The following IL1RAPL2 variants were observed in gnomAD, a reference collection of about 807,000 sequenced individuals.
The protein encoded by IL1RAPL2 is interleukin 1 receptor accessory protein like 2, also known as X-linked interleukin-1 receptor accessory protein-like 2.
In IL1RAPL2, 3 loss-of-function variants were observed where a neutral mutation model predicts 44.1. The observed-to-expected ratio is 0.07, with a 90% CI of 0.03 to 0.18. The LOEUF (loss-of-function observed/expected upper bound fraction) is 0.18. Among genes scored for constraint, IL1RAPL2 ranks in the 10% least tolerant of loss-of-function variants. IL1RAPL2 has a pLI of 1.00. For missense variants in IL1RAPL2, 391 were observed against 496.4 expected (o/e 0.79, Z 2.02); for synonymous variants, 181 against 178.8 (o/e 1.01, Z -0.10).
chrX:105,361,640 A>G (rs2035248416), intron 5 of IL1RAPL2, among the ~76,000 whole-genome samples: 2 of 111,231 alleles, frequency 1.8e-5, no homozygotes, highest in African/African-American at 6.5e-5. Context: ...AGAGTCCTGG[A>G]AACTGAGATA....
At chrX:104,577,812 G>T (rs752120729) in intron 1 of IL1RAPL2, among the ~76,000 whole-genome samples, 2 of 110,802 alleles carry the variant, frequency 1.8e-5, no homozygotes, top group Non-Finnish European at 3.8e-5. Flanking sequence ...TGGCAGTCTG[G>T]CAAGGCCGGA....
chrX:104,739,665 T>C, intron 2 of IL1RAPL2, among the ~76,000 whole-genome samples: 1 of 112,049 alleles, frequency 8.9e-6, no homozygotes. Context: ...GAAAGGCAAG[T>C]AAGAAAGAAT....
Position 105,755,234 on chromosome X carries a change from A to G in IL1RAPL2, c.1250A>G (p.Asp417Gly). The G allele has an allele frequency of 1.7e-6, 2 of 1,199,247 alleles. No homozygotes were observed. The highest frequency in any genetic ancestry group is 2.3e-6 in the Non-Finnish European group (2 of 884,287). The change falls in exon 10 of 11, where the codon GAC becomes GGC. Residue 417 changes from aspartate (D) to glycine (G), a missense_variant. Transcript: ENST00000372582. ...SYTKVDQDTL[D>G]CDNPEEEQFA... ...ACAAAAGTGGACCAAGATACTTTAGACTGTGACAATCCTGAAGAAGAGCAG... is the reference window on the plus strand; with the variant it reads ...ACAAAAGTGGACCAAGATACTTTAGGCTGTGACAATCCTGAAGAAGAGCAG...
At chrX:105,033,201 T>G (rs185179596) in intron 2 of IL1RAPL2, among the ~76,000 whole-genome samples, 85 of 111,946 alleles carry the variant, frequency 7.6e-4, no homozygotes, top group African/African-American at 2.7e-3. Flanking sequence ...TGTCTCTTAA[T>G]TGGAGCATTT....
At position 104,762,417 on chromosome X, in the gene IL1RAPL2, G is replaced by A. The variant is rs1428224475; in HGVS notation, c.82+103422G>A. Among the ~76,000 whole-genome samples the A allele has an allele frequency of 2.7e-5, 3 of 112,209 alleles. No individual in the cohort carries two copies. The Admixed American group carries it at 2.8e-4, about 11-fold the overall frequency. On this transcript the variant is annotated intron_variant, in intron 2 of 10. Coordinates refer to ENST00000372582, the MANE Select transcript of IL1RAPL2 (RefSeq NM_017416.2). ...CTTGGACAGCTCCTGTGGCTTTGCAGGGTACAGCCCCTCTCCTGGCTGCCT... is the reference window on the plus strand; with the variant it reads ...CTTGGACAGCTCCTGTGGCTTTGCAAGGTACAGCCCCTCTCCTGGCTGCCT...
At chrX:104,971,474 G>A (rs2030235261) in intron 2 of IL1RAPL2, among the ~76,000 whole-genome samples, 1 of 111,818 alleles carries the variant, frequency 8.9e-6, no homozygotes, top group Non-Finnish European at 1.9e-5. Flanking sequence ...ATGTAACCAG[G>A]TAGCTTGCTT....
chrX:104,914,407 A>G (rs1474218659), intron 2 of IL1RAPL2, among the ~76,000 whole-genome samples: 1 of 111,908 alleles, frequency 8.9e-6, no homozygotes, highest in Non-Finnish European at 1.9e-5. Flanking sequence ...AAAGTGTCTC[A>G]TAAAAGAGAA....
At chrX:105,373,049 G>A (rs2035356672) in intron 5 of IL1RAPL2, among the ~76,000 whole-genome samples, 1 of 112,686 alleles carries the variant, frequency 8.9e-6, no homozygotes, top group Non-Finnish European at 1.9e-5. Context: ...TGGGATTGCT[G>A]CGATGAATGG....
intron 7 of IL1RAPL2, among the ~76,000 whole-genome samples, chrX:105,726,617 T>C (rs1410749337): frequency 3.6e-5 from 4 of 110,620 alleles, no homozygotes; most frequent in Admixed American, 9.6e-5. Context: ...CCCTCCTCCT[T>C]TGAGTGACTA....
chrX:105,634,301 C>T (rs765093357), intron 6 of IL1RAPL2, among the ~76,000 whole-genome samples: 1 of 110,932 alleles, frequency 9.0e-6, no homozygotes, highest in Admixed American at 9.6e-5. Context: ...GACTAAGCCC[C>T]CTGCCCACTT....
At chrX:105,051,367 A>T (rs2031922189) in intron 2 of IL1RAPL2, among the ~76,000 whole-genome samples, 1 of 112,660 alleles carries the variant, frequency 8.9e-6, no homozygotes, top group Non-Finnish European at 1.9e-5. Flanking sequence ...CCGCAGCTGC[A>T]CCCAGGGAGC....
chrX:105,598,392 G>A (rs1167416845), intron 6 of IL1RAPL2, among the ~76,000 whole-genome samples: 1 of 110,342 alleles, frequency 9.1e-6, no homozygotes, highest in Non-Finnish European at 1.9e-5. Flanking sequence ...AGTACAGCAT[G>A]AGGACTATAA....
chrX:105,416,215 TA>T (rs773072757), intron 5 of IL1RAPL2, among the ~76,000 whole-genome samples: 151 of 111,877 alleles, frequency 1.3e-3, no homozygotes, highest in African/African-American at 4.6e-3. Flanking sequence ...TAAGCCACAA[TA>T]AAAAAAATCT....
intron 2 of IL1RAPL2, among the ~76,000 whole-genome samples, chrX:104,677,230 A>T (rs1261375985): frequency 9.0e-6 from 1 of 111,059 alleles, no homozygotes; most frequent in Non-Finnish European, 1.9e-5. Flanking sequence ...TTGTGGTTTT[A>T]TATACTTTTG....
At chrX:105,619,599 T>G (rs747179694) in intron 6 of IL1RAPL2, among the ~76,000 whole-genome samples, 1 of 111,165 alleles carries the variant, frequency 9.0e-6, no homozygotes, top group Non-Finnish European at 1.9e-5. Context: ...TAATACGTGA[T>G]TGAGGCCAAG....
At chrX:104,901,892 A>G (rs1257465309) in intron 2 of IL1RAPL2, among the ~76,000 whole-genome samples, 1 of 112,072 alleles carries the variant, frequency 8.9e-6, no homozygotes, top group Admixed American at 9.5e-5. Context: ...GGTGCTCAAC[A>G]AATGCTAGTC....
intron 3 of IL1RAPL2, chrX:105,219,601 C>T (rs1556176567): frequency 1.7e-6 from 2 of 1,210,320 alleles, no homozygotes; most frequent in Non-Finnish European, 2.2e-6. Context: ...CTCCACATCC[C>T]TCTGCTCTTC....
intron 4 of IL1RAPL2, among the ~76,000 whole-genome samples, chrX:105,261,452 A>G (rs192267220): frequency 9.1e-6 from 1 of 110,045 alleles, no homozygotes; most frequent in African/African-American, 3.4e-5. Context: ...TCTATTTCTG[A>G]TGCTTGCTCT....
At chrX:104,833,109 T>C (rs1370990228) in intron 2 of IL1RAPL2, among the ~76,000 whole-genome samples, 1 of 111,908 alleles carries the variant, frequency 8.9e-6, no homozygotes, top group Admixed American at 9.5e-5. Context: ...TACACTCACT[T>C]GCATTTTAAT....
Sources: gnomAD v4.1 joint callset for allele counts (sites outside exome capture counted in the v4.1 genomes callset) on GRCh38, gnomAD v4.1.1 for gene constraint, MANE v1.5 for transcripts, NCBI Gene and HGNC (gene_info 2026-07-23, HGNC 2026-07-21) for gene names.